Variants in PEAK1 observed in about 807,000 individuals in gnomAD.
PEAK1 encodes the protein inactive tyrosine-protein kinase PEAK1.
PEAK1 carries 54 observed loss-of-function variants against 124.7 expected under a neutral mutation model. That is an observed-to-expected ratio of 0.43 (90% confidence interval 0.35 to 0.54). PEAK1 has a LOEUF of 0.54. Ranked by LOEUF, PEAK1 falls within the 20% of genes least tolerant of loss-of-function variation. PEAK1 has a pLI of 0.01. For synonymous variants in PEAK1, 719 were observed against 760.0 expected, an observed-to-expected ratio of 0.95 and a Z score of 0.89; for missense variants, 2,046 against 2,134.5, an observed-to-expected ratio of 0.96 and a Z score of 0.82.
At chr15:77,314,189 T>G (rs1399060897) in intron 2 of PEAK1, among the ~76,000 whole-genome samples, 1 of 152,192 alleles carries the variant, frequency 6.6e-6, no homozygotes, top group Non-Finnish European at 1.5e-5. Context: ...TATCATTGTA[T>G]TCTTTAAGAA....
At chr15:77,348,908 C>T (rs1597390652) in intron 2 of PEAK1, 1 of 948,992 alleles carries the variant, frequency 1.1e-6, no homozygotes. Context: ...TCGCAAAGTG[C>T]TGGGATTATA....
intron 2 of PEAK1, among the ~76,000 whole-genome samples, chr15:77,324,980 G>T (rs954778552): frequency 6.6e-6 from 1 of 152,096 alleles, no homozygotes; most frequent in African/African-American, 2.4e-5. Flanking sequence ...AGACATATTT[G>T]TCTCACTAGT....
At chr15:77,253,263 G>A (rs1415216943) in intron 5 of PEAK1, among the ~76,000 whole-genome samples, 1 of 145,686 alleles carries the variant, frequency 6.9e-6, no homozygotes, top group Non-Finnish European at 1.5e-5. Flanking sequence ...GGGTGGTCCT[G>A]GAGCCAATCT....
chr15:77,162,438 G>A (rs955341906), intron 7 of PEAK1, among the ~76,000 whole-genome samples: 1 of 137,668 alleles, frequency 7.3e-6, no homozygotes, highest in African/African-American at 2.7e-5. Context: ...AGGTTGCAGT[G>A]AGCCAAGATT....
At chr15:77,354,065 T>TA (rs1280886734) in intron 2 of PEAK1, among the ~76,000 whole-genome samples, 1 of 152,172 alleles carries the variant, frequency 6.6e-6, no homozygotes, top group African/African-American at 2.4e-5. Context: ...CTCTAAAATC[T>TA]ATTAACCTCA....
chr15:77,184,305 A>G (rs2057427921), intron 6 of PEAK1, among the ~76,000 whole-genome samples: 2 of 152,170 alleles, frequency 1.3e-5, no homozygotes, highest in Admixed American at 1.3e-4. Context: ...TTAAAATAAA[A>G]TTAAAACAAA....
At chr15:77,177,568 C>T (rs888875406) in intron 7 of PEAK1, among the ~76,000 whole-genome samples, 1 of 152,022 alleles carries the variant, frequency 6.6e-6, no homozygotes, top group Non-Finnish European at 1.5e-5. Flanking sequence ...GGTAAATCTG[C>T]CCCATCCATC....
rs368480183 is a variant in PEAK1, at chr15:77,176,202, T to C, written c.3137+2588A>G. The stretch of plus-strand genomic sequence containing the variant: ...CACCAGCATGGCACATGTATACATA[T>C]GTAACTAACCTGCACATTGTGCACA... On this transcript the variant is annotated intron_variant, in intron 7 of 9. Coordinates refer to ENST00000682557, the MANE Select transcript of PEAK1 (RefSeq NM_001385026.1). 1.6e-4 allele frequency among the ~76,000 whole-genome samples: 23 copies of C among 144,986 alleles called. No individual in the cohort carries two copies. The East Asian group carries it at 4.2e-3, about 27-fold the overall frequency.
chr15:77,194,724 T>C (rs973092744), intron 6 of PEAK1, among the ~76,000 whole-genome samples: 2 of 152,210 alleles, frequency 1.3e-5, no homozygotes, highest in African/African-American at 4.8e-5. Context: ...TGCTCTGCTA[T>C]CTGGTTTCAT....
chr15:77,251,417 C>G lies in PEAK1; in HGVS notation c.-115+950G>C, dbSNP rs74732176. On this transcript the variant is annotated intron_variant, in intron 6 of 9. Coordinates refer to ENST00000682557, the MANE Select transcript of PEAK1 (RefSeq NM_001385026.1). Reference sequence around the variant, plus strand: ...TCCATTTTATAACTCCCAATTCTTTCGAAATGATTTTCAAAAGGTAGAAAG... The same window carrying G: ...TCCATTTTATAACTCCCAATTCTTTGGAAATGATTTTCAAAAGGTAGAAAG... 7.3e-3 allele frequency among the ~76,000 whole-genome samples: 1,107 copies of G among 151,746 alleles called. 15 individuals are homozygous for G. Among genetic ancestry groups the G allele is most frequent in the African/African-American group, 0.025 (1,053 of 41,328 alleles).
intron 1 of PEAK1, among the ~76,000 whole-genome samples, chr15:77,406,700 G>A (rs948347951): frequency 6.6e-6 from 1 of 152,066 alleles, no homozygotes; most frequent in Non-Finnish European, 1.5e-5. Context: ...AATGACCAGA[G>A]TGCCAAAAGC....
Position 77,179,977 on chromosome 15 carries a change from T to A in PEAK1, c.1950A>T (p.Glu650Asp), listed in dbSNP as rs747839833. 35 of 1,613,960 alleles carry A rather than the reference T, an allele frequency of 2.2e-5. No homozygotes were observed. Among genetic ancestry groups the A allele is most frequent in the Non-Finnish European group, 2.7e-5 (32 of 1,179,964 alleles). ...IYKSFLGTSG[E>D]LSVKEKTTSV... ...TTGTGGTTTTTTCCTTCACTGAGAG[T>A]TCTCCACTTGTTCCCAGAAAACTTT... Residue 650 changes from glutamate to aspartate, a missense_variant, in exon 7 of 10, where the codon GAA (glutamate) becomes GAT (aspartate). Physicochemically the swap from Glu to Asp is conservative, Grantham distance 45. Transcript: ENST00000682557.
rs146722091 is a variant in PEAK1 at position 77,321,216 on chromosome 15, A to G, written c.-602-34712T>C. ...GGTCAAATGGTATTTCTAGTTCTAG[A>G]GCCCTGAGGCATCGCCATACTGACT... On this transcript the variant is annotated intron_variant, in intron 2 of 9. Transcript: ENST00000682557. 4.8e-3 allele frequency among the ~76,000 whole-genome samples: 728 copies of G among 152,302 alleles called. 4 individuals are homozygous for G. The highest frequency in any genetic ancestry group is 0.016 in the African/African-American group (674 of 41,548).
intron 5 of PEAK1, among the ~76,000 whole-genome samples, chr15:77,271,936 A>T (rs912430962): frequency 6.6e-6 from 1 of 152,156 alleles, no homozygotes; most frequent in Non-Finnish European, 1.5e-5. Context: ...ATAATAATAA[A>T]AAAAAAGGAA....
At chr15:77,275,855 G>A (rs936638808) in intron 5 of PEAK1, among the ~76,000 whole-genome samples, 7 of 151,964 alleles carry the variant, frequency 4.6e-5, no homozygotes, top group African/African-American at 7.2e-5. Flanking sequence ...TTACCAACAC[G>A]TTGGAAACAA....
chr15:77,161,809 T>C (rs2055665379), intron 7 of PEAK1, among the ~76,000 whole-genome samples: 1 of 151,568 alleles, frequency 6.6e-6, no homozygotes, highest in African/African-American at 2.4e-5. Flanking sequence ...CTACTAAAAA[T>C]ACAAAAATTA....
chr15:77,264,490 A>T (rs1477416937), intron 5 of PEAK1, among the ~76,000 whole-genome samples: 2 of 152,184 alleles, frequency 1.3e-5, no homozygotes, highest in Non-Finnish European at 2.9e-5. Context: ...ATCATGAGTG[A>T]ACTCCCATTC....
At chr15:77,379,582 G>T (rs1395681768) in intron 1 of PEAK1, among the ~76,000 whole-genome samples, 3 of 152,010 alleles carry the variant, frequency 2.0e-5, no homozygotes, top group Admixed American at 2.0e-4. Context: ...GAGATTCAGG[G>T]GTTTGCTGCA....
chr15:77,107,018 T>A (rs2050761541), downstream of PEAK1: 1 of 152,238 alleles, frequency 6.6e-6, no homozygotes, highest in African/African-American at 2.4e-5. Flanking sequence ...TCAGTTGTTA[T>A]GGAGTCCTGC....
Sources: gnomAD v4.1 joint callset for allele counts (sites outside exome capture counted in the v4.1 genomes callset) on GRCh38, gnomAD v4.1.1 for gene constraint, MANE v1.5 for transcripts, NCBI Gene and HGNC (gene_info 2026-07-23, HGNC 2026-07-21) for gene names.